The following BDNF variants were observed in gnomAD, a reference collection of about 807,000 sequenced individuals.
BDNF encodes neurotrophic factor BDNF precursor form.
BDNF carries 1 observed loss-of-function variant against 19.5 expected under a neutral mutation model. The ratio of observed to expected loss-of-function variants is 0.05; its 90% CI spans 0.02 to 0.24. The LOEUF is 0.24. Among genes scored for constraint, BDNF ranks in the 10% least tolerant of loss-of-function variants. The probability of loss-of-function intolerance (pLI) is 1.00; values close to 1 mark genes in which losing one functional copy is unlikely to be tolerated. For synonymous variants in BDNF, 100 were observed against 121.6 expected (o/e 0.82, Z 1.17); for missense variants, 195 against 317.6 (o/e 0.61, Z 2.93).
chr11:27,687,618 T>C (rs1010278676), intron 1 of BDNF, among the ~76,000 whole-genome samples: 1 of 152,234 alleles, frequency 6.6e-6, no homozygotes, highest in Non-Finnish European at 1.5e-5. Context: ...TTTGTTGATG[T>C]TGATGCTATT....
At chr11:27,699,029 A>G (rs1375746605) in intron 1 of BDNF, among the ~76,000 whole-genome samples, 2 of 151,970 alleles carry the variant, frequency 1.3e-5, no homozygotes, top group Non-Finnish European at 2.9e-5. Flanking sequence ...CCATTCAACA[A>G]GTCCCTCCTA....
chr11:27,718,809 T>C (rs1860630330), intron 1 of BDNF, among the ~76,000 whole-genome samples: 1 of 152,096 alleles, frequency 6.6e-6, no homozygotes, highest in Non-Finnish European at 1.5e-5. Context: ...TGGGATTCTT[T>C]CTTTCGTTCG....
intron 1 of BDNF, among the ~76,000 whole-genome samples, chr11:27,687,184 C>A (rs921806357): frequency 1.3e-5 from 2 of 152,154 alleles, no homozygotes; most frequent in African/African-American, 4.8e-5. Flanking sequence ...ATCCTTTCCT[C>A]TGCTTTATCG....
intron 1 of BDNF, chr11:27,674,334 A>G: frequency 6.5e-7 from 1 of 1,543,696 alleles, no homozygotes; most frequent in Non-Finnish European, 8.7e-7. Flanking sequence ...ATTTCTTTTA[A>G]TTACTTAACT....
intron 1 of BDNF, chr11:27,721,300 G>C: frequency 8.0e-7 from 1 of 1,248,776 alleles, no homozygotes; most frequent in South Asian, 1.2e-5. Context: ...CCCCTGGCCT[G>C]AGTAGCTGCT....
intron 1 of BDNF, among the ~76,000 whole-genome samples, chr11:27,662,679 G>A (rs1162208394): frequency 6.6e-6 from 1 of 152,214 alleles, no homozygotes; most frequent in Non-Finnish European, 1.5e-5. Flanking sequence ...TAGATCCCTT[G>A]CATGTGCAGT....
intron 1 of BDNF, among the ~76,000 whole-genome samples, chr11:27,712,694 T>C (rs1305418761): frequency 6.6e-6 from 1 of 151,954 alleles, no homozygotes; most frequent in Non-Finnish European, 1.5e-5. Flanking sequence ...TTTTTTTTTT[T>C]GGTAAAGACA....
intron 1 of BDNF, among the ~76,000 whole-genome samples, chr11:27,678,303 A>T (rs1447114475): frequency 1.3e-5 from 2 of 152,118 alleles, no homozygotes; most frequent in Non-Finnish European, 2.9e-5. Context: ...AACACAACAC[A>T]ACCCTGAGGG....
At chr11:27,701,813 T>G (rs185998431), upstream of BDNF, among the ~76,000 whole-genome samples, 104 of 152,348 alleles carry the variant, frequency 6.8e-4, no homozygotes, top group Middle Eastern at 0.014. Context: ...TGCAGATGTT[T>G]TCACTTCCAG....
chr11:27,674,189 G>A (rs1460009717), intron 1 of BDNF: 1 of 1,607,686 alleles, frequency 6.2e-7, no homozygotes, highest in African/African-American at 1.3e-5. Context: ...CAAAACATGT[G>A]TGGACCTGCA....
In BDNF at chr11:27,655,895, TCTC is replaced by T. The variant is rs1243794544; in HGVS notation, c.*1923_*1925del. 1 of 152,150 alleles carries T rather than the reference TCTC, an allele frequency of 6.6e-6. No homozygotes were observed. The highest frequency in any genetic ancestry group is 6.5e-5 in the Admixed American group (1 of 15,276). 9.4% of individuals were successfully genotyped at this position (152,150 alleles called of 1,614,324 possible). On this transcript the variant is annotated 3_prime_UTR_variant, in exon 2 of 2. Coordinates refer to ENST00000356660, the MANE Select transcript of BDNF (RefSeq NM_001709.5). ...ACTATTTCAGGCTCCCAACTTGACT[TCTC>T]CTAACCCAAAATGGCAGAGGTGAGG...
At chr11:27,702,757 A>G (rs912911310), upstream of BDNF, among the ~76,000 whole-genome samples, 1 of 152,222 alleles carries the variant, frequency 6.6e-6, no homozygotes, top group Non-Finnish European at 1.5e-5. Flanking sequence ...CTAGTGACAG[A>G]AATTATTTAC....
At chr11:27,704,188 G>A (rs1212685284), upstream of BDNF, among the ~76,000 whole-genome samples, 1 of 152,142 alleles carries the variant, frequency 6.6e-6, no homozygotes, top group Admixed American at 6.5e-5. Flanking sequence ...ACTAAAATGA[G>A]GGAAAGTTTC....
intron 1 of BDNF, among the ~76,000 whole-genome samples, chr11:27,691,501 A>G (rs1404054974): frequency 6.6e-6 from 1 of 152,248 alleles, no homozygotes. Flanking sequence ...AAGAAAACAT[A>G]CACGCAAGAA....
At chr11:27,673,742 T>G (rs1289742489) in intron 1 of BDNF, among the ~76,000 whole-genome samples, 2 of 152,054 alleles carry the variant, frequency 1.3e-5, no homozygotes, top group African/African-American at 2.4e-5. Context: ...ATAGAAAGAG[T>G]ATCTGTACAT....
At chr11:27,677,118 C>G (rs1422169816) in intron 1 of BDNF, 1 of 152,222 alleles carries the variant, frequency 6.6e-6, no homozygotes, top group Non-Finnish European at 1.5e-5. Flanking sequence ...GTGCAGTGTT[C>G]CCACTGCAAA....
intron 1 of BDNF, among the ~76,000 whole-genome samples, chr11:27,662,448 C>A (rs1432616425): frequency 6.6e-6 from 1 of 152,080 alleles, no homozygotes; most frequent in Non-Finnish European, 1.5e-5. Context: ...ATCAGTGAAC[C>A]CATTGAAATT....
intron 1 of BDNF, among the ~76,000 whole-genome samples, chr11:27,673,473 G>A (rs12284724): frequency 0.072 from 10,886 of 152,222 alleles, 1,318 homozygotes; most frequent in African/African-American, 0.25. Context: ...TCTTTCTTCA[G>A]AATTGACGAC....
rs1852546189 is a variant in BDNF, at chr11:27,656,378, G to A, written c.*1443C>T. The stretch of plus-strand genomic sequence containing the variant: ...TCGGCTTGAGTGTGGTCCTCCAGTC[G>A]AGAACCTCTTGAGCACAGTTAGATA... On this transcript the variant is annotated 3_prime_UTR_variant, in exon 2 of 2. Transcript: ENST00000356660. 2 of 253,972 alleles carry A rather than the reference G, an allele frequency of 7.9e-6. No homozygotes were observed. Among genetic ancestry groups the A allele is most frequent in the East Asian group, 1.8e-4 (1 of 5,628 alleles). 15.7% of individuals were successfully genotyped at this position (253,972 alleles called of 1,614,324 possible).
Sources: gnomAD v4.1 joint callset for allele counts (sites outside exome capture counted in the v4.1 genomes callset) on GRCh38, gnomAD v4.1.1 for gene constraint, MANE v1.5 for transcripts, NCBI Gene and HGNC (gene_info 2026-07-23, HGNC 2026-07-21) for gene names.